Variants in NAALADL2 observed in about 807,000 individuals in gnomAD.
NAALADL2 encodes N-acetylated alpha-linked acidic dipeptidase like 2, also known as inactive N-acetylated-alpha-linked acidic dipeptidase-like protein 2.
In NAALADL2, 76 loss-of-function variants were observed where a neutral mutation model predicts 87.2. That is an observed-to-expected ratio of 0.87 (90% CI 0.72 to 1.05). The LOEUF (loss-of-function observed/expected upper bound fraction) is 1.05. Among genes scored for constraint, NAALADL2 ranks in the 50% least tolerant of loss-of-function variants. NAALADL2 has a pLI of 0.00. For missense variants in NAALADL2, 1,089 were observed against 945.8 expected, an observed-to-expected ratio of 1.15 and a Z score of -1.99; for synonymous variants, 354 against 331.0, an observed-to-expected ratio of 1.07 and a Z score of -0.75.
chr3:175,334,405 A>G (rs1399291367), intron 5 of NAALADL2, among the ~76,000 whole-genome samples: 1 of 152,088 alleles, frequency 6.6e-6, no homozygotes, highest in African/African-American at 2.4e-5. Context: ...ACAGTGAGAG[A>G]CATGGCTCTC....
chr3:175,457,476 C>T (rs374803664), intron 6 of NAALADL2, among the ~76,000 whole-genome samples: 2 of 152,068 alleles, frequency 1.3e-5, no homozygotes, highest in Non-Finnish European at 2.9e-5. Context: ...TTCACTGATA[C>T]GTGTTGCCCA....
chr3:174,451,454 A>G (rs967789412), intron 1 of NAALADL2, among the ~76,000 whole-genome samples: 8 of 152,220 alleles, frequency 5.3e-5, no homozygotes, highest in African/African-American at 1.2e-4. Context: ...AGAAAACTAC[A>G]TAACAGAAAC....
chr3:175,605,594 C>G (rs1025379484), intron 10 of NAALADL2, among the ~76,000 whole-genome samples: 1 of 150,496 alleles, frequency 6.6e-6, no homozygotes, highest in South Asian at 2.1e-4. Flanking sequence ...CCTTCCCCAG[C>G]CTTCATTCAC....
rs750185480 is a variant in NAALADL2, at chr3:175,206,264, T to TATATATA, written c.546-27667_546-27666insATATATA. The stretch of plus-strand genomic sequence containing the variant: ...AAAAACTATATATATATATATATAT[T>TATATATA]TTTTTTTTTCACTGTGTGTGTGTAT... On this transcript the variant is annotated intron_variant, in intron 2 of 13. Coordinates refer to ENST00000454872, the MANE Select transcript of NAALADL2 (RefSeq NM_207015.3). Among the ~76,000 whole-genome samples, 556 of 69,606 alleles carry TATATATA rather than the reference T, an allele frequency of 8.0e-3. 32 individuals are homozygous for TATATATA. Among genetic ancestry groups the TATATATA allele is most frequent in the African/African-American group, 0.03 (505 of 16,794 alleles). 45.7% of individuals were successfully genotyped at this position (69,606 alleles called of 152,430 possible).
intron 2 of NAALADL2, among the ~76,000 whole-genome samples, chr3:174,731,054 A>T (rs1052765054): frequency 6.6e-6 from 1 of 152,112 alleles, no homozygotes; most frequent in Non-Finnish European, 1.5e-5. Flanking sequence ...GGTGGTGATT[A>T]TTCCTATTTT....
chr3:174,661,422 A>G (rs940130509), intron 2 of NAALADL2, among the ~76,000 whole-genome samples: 2 of 152,118 alleles, frequency 1.3e-5, no homozygotes, highest in African/African-American at 4.8e-5. Flanking sequence ...TGATACACCC[A>G]AGGGATAAAA....
At chr3:174,887,496 A>G (rs377156466) in intron 1 of NAALADL2, among the ~76,000 whole-genome samples, 12 of 152,216 alleles carry the variant, frequency 7.9e-5, no homozygotes, top group African/African-American at 2.9e-4. Context: ...ATACTCATCT[A>G]TTAAGTATTT....
intron 6 of NAALADL2, among the ~76,000 whole-genome samples, chr3:175,456,662 A>G (rs756648360): frequency 6.6e-6 from 1 of 152,106 alleles, no homozygotes; most frequent in Non-Finnish European, 1.5e-5. Context: ...TGACTTTGTC[A>G]GTGAATCATC....
At chr3:174,656,970 A>G (rs1397080906) in intron 2 of NAALADL2, among the ~76,000 whole-genome samples, 1 of 151,636 alleles carries the variant, frequency 6.6e-6, no homozygotes, top group Non-Finnish European at 1.5e-5. Context: ...CTTAAGAGAT[A>G]AGGGCTTCCC....
At chr3:175,570,761 T>C (rs1049266457) in intron 9 of NAALADL2, among the ~76,000 whole-genome samples, 4 of 151,388 alleles carry the variant, frequency 2.6e-5, no homozygotes, top group African/African-American at 7.3e-5. Flanking sequence ...GCGCCTGTAG[T>C]CCCAGCTACT....
chr3:174,603,059 G>C (rs1419294467), intron 2 of NAALADL2, among the ~76,000 whole-genome samples: 2 of 151,902 alleles, frequency 1.3e-5, no homozygotes, highest in Non-Finnish European at 2.9e-5. Flanking sequence ...AGTGATATTG[G>C]CCTGTAGTTT....
chr3:174,820,141 A>G (rs756256950), intron 3 of NAALADL2, among the ~76,000 whole-genome samples: 1 of 152,218 alleles, frequency 6.6e-6, no homozygotes, highest in South Asian at 2.1e-4. Context: ...CTAGAAAATT[A>G]CTACTGCTCA....
At chr3:175,485,277 T>C (rs530574760) in intron 9 of NAALADL2, among the ~76,000 whole-genome samples, 1 of 152,266 alleles carries the variant, frequency 6.6e-6, no homozygotes, top group African/African-American at 2.4e-5. Context: ...TAGCTCATGA[T>C]GGTGATGCTC....
chr3:174,621,251 G>C (rs915160082), intron 2 of NAALADL2, among the ~76,000 whole-genome samples: 28 of 151,992 alleles, frequency 1.8e-4, no homozygotes, highest in Non-Finnish European at 1.5e-5. Flanking sequence ...TTCATGAAAA[G>C]ATGATTATGT....
chr3:175,158,043 A>C (rs1732586668), intron 2 of NAALADL2, among the ~76,000 whole-genome samples: 1 of 152,138 alleles, frequency 6.6e-6, no homozygotes, highest in African/African-American at 2.4e-5. Flanking sequence ...TTGTAGACGA[A>C]ACATATTCTT....
intron 1 of NAALADL2, among the ~76,000 whole-genome samples, chr3:175,016,686 T>C (rs1482455822): frequency 1.3e-5 from 2 of 151,988 alleles, no homozygotes; most frequent in Non-Finnish European, 2.9e-5. Context: ...ATGCTACACT[T>C]GATCTCCTAG....
chr3:174,696,140 G>A (rs1017019942), intron 2 of NAALADL2, among the ~76,000 whole-genome samples: 6 of 152,068 alleles, frequency 3.9e-5, no homozygotes, highest in African/African-American at 1.4e-4. Flanking sequence ...TCTGGATAGT[G>A]AGGTGTAATG....
chr3:175,263,031 A>C (rs1046744005), intron 4 of NAALADL2, among the ~76,000 whole-genome samples: 3 of 150,762 alleles, frequency 2.0e-5, no homozygotes, highest in African/African-American at 7.3e-5. Context: ...CAATGTCTCC[A>C]TCTTTTATGA....
intron 1 of NAALADL2, among the ~76,000 whole-genome samples, chr3:174,517,950 T>G (rs2108404432): frequency 6.6e-6 from 1 of 152,266 alleles, no homozygotes; most frequent in African/African-American, 2.4e-5. Flanking sequence ...CTCAAATGCC[T>G]GTAGAGGCAA....
Sources: allele counts gnomAD v4.1 joint callset (sites outside exome capture counted in the v4.1 genomes callset), GRCh38; gene constraint gnomAD v4.1.1; transcripts MANE v1.5; gene names NCBI Gene and HGNC (gene_info 2026-07-23, HGNC 2026-07-21).